MED27: variants seen among roughly 807,000 people sequenced by gnomAD.
MED27 encodes the protein mediator of RNA polymerase II transcription subunit 27.
In MED27, 30 loss-of-function variants were observed where a neutral mutation model predicts 38.2. The observed-to-expected ratio is 0.79, with a 90% CI of 0.59 to 1.07. The LOEUF is 1.07. MED27 is among the 50% of genes least tolerant of loss of function. The probability of loss-of-function intolerance (pLI) is 0.00; values close to 1 mark genes in which losing one functional copy is unlikely to be tolerated. For missense variants in MED27, 289 were observed against 397.5 expected (o/e 0.73, Z 2.32); for synonymous variants, 122 against 153.5 (o/e 0.79, Z 1.52).
chr9:131,888,678 G>A (rs376633880), intron 5 of MED27, among the ~76,000 whole-genome samples: 1 of 152,120 alleles, frequency 6.6e-6, no homozygotes, highest in Non-Finnish European at 1.5e-5. Flanking sequence ...TAGTAGCTTC[G>A]TCTTGCAAGG....
chr9:132,052,821 T>A (rs1440464399), intron 2 of MED27, among the ~76,000 whole-genome samples: 1 of 152,204 alleles, frequency 6.6e-6, no homozygotes, highest in East Asian at 1.9e-4. Flanking sequence ...GTTCTATCCA[T>A]GCTGTTGTAA....
In MED27 at chr9:131,997,338, C is replaced by T. The variant is rs575619169; in HGVS notation, c.479+16999G>A. The stretch of plus-strand genomic sequence containing the variant: ...CAGGACAGCGATCGACATACAGCCT[C>T]CAGCTATCGGCATGTTCAGGGTCAG... On this transcript the variant is annotated intron_variant, in intron 3 of 7. Transcript: ENST00000292035. The surrounding 1 kb of genome is among the most constrained non-coding windows in gnomAD (Gnocchi z 4.0). Among the ~76,000 whole-genome samples, 9 of 152,296 alleles carry T rather than the reference C, an allele frequency of 5.9e-5. No individual in the cohort carries two copies. The highest frequency in any genetic ancestry group is 1.3e-4 in the Non-Finnish European group (9 of 68,028).
chr9:132,006,512 C>T (rs1832360423), intron 3 of MED27, among the ~76,000 whole-genome samples: 1 of 152,092 alleles, frequency 6.6e-6, no homozygotes, highest in Non-Finnish European at 1.5e-5. Context: ...AGGAACAAAA[C>T]AAACCCCAGG....
At chr9:131,940,563 C>T (rs555897828) in intron 3 of MED27, among the ~76,000 whole-genome samples, 62 of 151,882 alleles carry the variant, frequency 4.1e-4, no homozygotes, top group Non-Finnish European at 8.2e-4. Flanking sequence ...TTACAGGCAC[C>T]CACCACCACT....
At chr9:131,986,520 C>T (rs544054755) in intron 3 of MED27, among the ~76,000 whole-genome samples, 8 of 152,204 alleles carry the variant, frequency 5.3e-5, no homozygotes, top group African/African-American at 1.7e-4. Flanking sequence ...TTTTACTATA[C>T]ATTTACTATG....
At chr9:131,940,799 A>C (rs941465121) in intron 3 of MED27, among the ~76,000 whole-genome samples, 37 of 152,292 alleles carry the variant, frequency 2.4e-4, no homozygotes, top group African/African-American at 7.5e-4. Flanking sequence ...CTTACCCCAA[A>C]CATATCAGGC....
At chr9:131,973,228 A>G (rs1831520549) in intron 3 of MED27, among the ~76,000 whole-genome samples, 1 of 152,142 alleles carries the variant, frequency 6.6e-6, no homozygotes, top group Admixed American at 6.5e-5. Flanking sequence ...TTATGAACAA[A>G]ACCCTGCCTG....
chr9:132,058,574 T>C (rs1253096375), intron 2 of MED27, among the ~76,000 whole-genome samples: 3 of 152,214 alleles, frequency 2.0e-5, no homozygotes, highest in Non-Finnish European at 2.9e-5. Flanking sequence ...CCAGTGCAAT[T>C]GTAAGTTTCT....
chr9:131,973,673 A>T (rs1831536658), intron 3 of MED27, among the ~76,000 whole-genome samples: 1 of 151,360 alleles, frequency 6.6e-6, no homozygotes. Context: ...CAGTTTACAA[A>T]GATGACATCC....
At chr9:132,014,269 C>T in intron 3 of MED27, 68 bp downstream of exon 3, 1 of 1,491,646 alleles carries the variant, frequency 6.7e-7, no homozygotes, top group Non-Finnish European at 9.1e-7. Context: ...CTTTCCACTA[C>T]CCAAAAACAA....
intron 3 of MED27, among the ~76,000 whole-genome samples, chr9:131,960,465 G>A (rs12238221): frequency 0.17 from 25,900 of 152,138 alleles, 2,323 homozygotes; most frequent in East Asian, 0.31. Flanking sequence ...AGCTAGGGAC[G>A]TGGCTCATAA....
chr9:131,981,827 T>A (rs917129910), intron 3 of MED27, among the ~76,000 whole-genome samples: 1 of 151,992 alleles, frequency 6.6e-6, no homozygotes, highest in Non-Finnish European at 1.5e-5. Context: ...ACAAAAACAG[T>A]CCTCCAATTT....
intron 2 of MED27, among the ~76,000 whole-genome samples, chr9:132,076,918 CAGAGCATGTTA>C (rs2131174645): frequency 6.6e-6 from 1 of 152,326 alleles, no homozygotes; most frequent in South Asian, 2.1e-4. Flanking sequence ...TCAAACTCTA[CAGAGCATGTTA>C]AGAACAATCT....
chr9:131,992,385 T>C (rs780952091), intron 3 of MED27, among the ~76,000 whole-genome samples: 9 of 152,160 alleles, frequency 5.9e-5, no homozygotes, highest in Non-Finnish European at 1.3e-4. Context: ...TGCACCTCTT[T>C]TGGTACCTTC....
chr9:131,923,535 C>T (rs920118851), intron 4 of MED27, among the ~76,000 whole-genome samples: 2 of 152,222 alleles, frequency 1.3e-5, no homozygotes, highest in African/African-American at 4.8e-5. Context: ...GGCATGGTCA[C>T]ATTATTCAAT....
rs1352981313 is a variant in MED27 at position 131,913,473 on chromosome 9, A to T, written c.574-19481T>A. ...AAGCATATAGTAAGGGGTCAAATAG[A>T]GTCCTGAGCACACAGTAGGCATATT... On this transcript the variant is annotated intron_variant, in intron 4 of 7. Coordinates refer to ENST00000292035, the MANE Select transcript of MED27 (RefSeq NM_004269.4). The surrounding 1 kb of genome is among the most constrained non-coding windows in gnomAD (Gnocchi z 4.5). Among the ~76,000 whole-genome samples the T allele has an allele frequency of 6.6e-6, 1 of 152,228 alleles. No homozygotes were observed. The highest frequency in any genetic ancestry group is 1.9e-4 in the East Asian group (1 of 5,204).
At position 132,077,539 on chromosome 9, in the gene MED27, T is replaced by C; in HGVS notation, c.251A>G (p.His84Arg). The change falls in exon 2 of 8, where the codon CAT (histidine) becomes CGT (arginine). Residue 84 changes from histidine (H) to arginine (R), a missense_variant. Physicochemically the swap from His to Arg is conservative, Grantham distance 29. Coordinates refer to ENST00000292035, the MANE Select transcript of MED27 (RefSeq NM_004269.4). ...TAACAGCCCACTGTTATGAAGAGGA[T>C]GGTTCTCAGATGGCTTGCCTACCAG... is the stretch of plus-strand genomic sequence containing the variant. Reference protein sequence around the residue: ...SNLVGKPSENHPLHNSGLLSL... With the variant: ...SNLVGKPSENRPLHNSGLLSL... The C allele has an allele frequency of 1.2e-6, 2 of 1,614,160 alleles. No homozygotes were observed. The highest frequency in any genetic ancestry group is 1.7e-6 in the Non-Finnish European group (2 of 1,180,020).
intron 3 of MED27, among the ~76,000 whole-genome samples, chr9:131,981,783 G>A (rs932904541): frequency 6.6e-6 from 1 of 152,220 alleles, no homozygotes; most frequent in Non-Finnish European, 1.5e-5. Flanking sequence ...GGGAGAGGGG[G>A]CACACGGCGG....
chr9:131,953,225 C>T (rs1046588579), intron 3 of MED27, among the ~76,000 whole-genome samples: 4 of 152,160 alleles, frequency 2.6e-5, no homozygotes, highest in Non-Finnish European at 5.9e-5. Context: ...AAACAGGTAC[C>T]CCAGTCTGGT....
Sources: gnomAD v4.1 joint callset for allele counts (sites outside exome capture counted in the v4.1 genomes callset) on GRCh38, gnomAD v4.1.1 for gene constraint, Gnocchi (gnomAD v3.1) non-coding constraint, MANE v1.5 for transcripts, NCBI Gene and HGNC (gene_info 2026-07-23, HGNC 2026-07-21) for gene names.